The following MOB3B variants were observed in gnomAD, a reference collection of about 807,000 sequenced individuals.
MOB3B encodes the protein MOB kinase activator-like 2B.
In MOB3B, 7 loss-of-function variants were observed where a neutral mutation model predicts 18.7. The ratio of observed to expected loss-of-function variants is 0.37; its 90% CI spans 0.21 to 0.70. MOB3B has a LOEUF of 0.70. Among genes scored for constraint, MOB3B ranks in the 30% least tolerant of loss-of-function variants. MOB3B has a pLI of 0.52. For missense variants in MOB3B, 253 were observed against 281.3 expected (o/e 0.90, Z 0.72); for synonymous variants, 111 against 99.9 (o/e 1.11, Z -0.66).
intron 1 of MOB3B, among the ~76,000 whole-genome samples, chr9:27,465,940 G>T (rs1030783338): frequency 6.6e-6 from 1 of 152,222 alleles, no homozygotes; most frequent in African/African-American, 2.4e-5. Flanking sequence ...CTCTGGGCCT[G>T]TGATGGGTGG....
chr9:27,426,040 C>A (rs1479981828), intron 2 of MOB3B, among the ~76,000 whole-genome samples: 1 of 152,162 alleles, frequency 6.6e-6, no homozygotes, highest in Non-Finnish European at 1.5e-5. Context: ...TGAATATTTA[C>A]ACAGTGCTTA....
intron 1 of MOB3B, among the ~76,000 whole-genome samples, chr9:27,474,889 C>T (rs1886592): frequency 0.95 from 145,287 of 152,292 alleles, 69,643 homozygotes; most frequent in East Asian, 1. Flanking sequence ...GTTATGGTGC[C>T]AGGCAGATTT....
rs1316216563 is a variant in MOB3B at position 27,327,769 on chromosome 9, A to T, written c.*2818T>A. On this transcript the variant is annotated 3_prime_UTR_variant, in exon 4 of 4. Coordinates refer to ENST00000262244, the MANE Select transcript of MOB3B (RefSeq NM_024761.5). The stretch of plus-strand genomic sequence containing the variant: ...ATTTTGAATATGGATCATATATTAG[A>T]TTTATGCAGTATCAGTGTTCAGTTT... 3 of 152,192 alleles carry T rather than the reference A, an allele frequency of 2.0e-5. No individual in the cohort carries two copies. The highest frequency in any genetic ancestry group is 7.2e-5 in the African/African-American group (3 of 41,442). The allele number at this position is 152,192 out of a possible 1,614,324, so 9.4% of individuals were successfully genotyped here.
At chr9:27,372,424 T>C (rs1587163275) in intron 2 of MOB3B, among the ~76,000 whole-genome samples, 1 of 152,198 alleles carries the variant, frequency 6.6e-6, no homozygotes, top group Non-Finnish European at 1.5e-5. Flanking sequence ...AAATACTCCC[T>C]GTTCAAGGAG....
At chr9:27,411,032 T>G (rs1391286836) in intron 2 of MOB3B, among the ~76,000 whole-genome samples, 1 of 152,220 alleles carries the variant, frequency 6.6e-6, no homozygotes, top group Non-Finnish European at 1.5e-5. Context: ...TAGCAGAAAC[T>G]TGGTTCTGCT....
chr9:27,336,075 A>T (rs1354270824), intron 3 of MOB3B, among the ~76,000 whole-genome samples: 2 of 152,210 alleles, frequency 1.3e-5, no homozygotes, highest in Non-Finnish European at 2.9e-5. Flanking sequence ...TGGGGAAGGC[A>T]CTTAGACTTA....
In MOB3B at chr9:27,330,235, G is replaced by A. The variant is rs1402113728; in HGVS notation, c.*352C>T. On this transcript the variant is annotated 3_prime_UTR_variant, in exon 4 of 4. Transcript: ENST00000262244. ...TGGAAAAATACGAACACGCATCTCAGTCTCAAAACCTGAATTCCAGTAAAG... is the reference window on the plus strand; with the variant it reads ...TGGAAAAATACGAACACGCATCTCAATCTCAAAACCTGAATTCCAGTAAAG... 4.9e-6 allele frequency: 1 copy of A among 202,434 alleles called. No homozygotes were observed. Among genetic ancestry groups the A allele is most frequent in the Non-Finnish European group, 9.9e-6 (1 of 101,032 alleles). 12.5% of individuals were successfully genotyped at this position (202,434 alleles called of 1,614,324 possible). A position where few individuals can be genotyped will look rare whatever the true frequency, so the allele number is the denominator to read the frequency against.
chr9:27,524,150 TAAAAAAA>T (rs3081119), intron 1 of MOB3B, among the ~76,000 whole-genome samples: 1 of 90,274 alleles, frequency 1.1e-5, no homozygotes, highest in South Asian at 4.6e-4. Flanking sequence ...TCACCCGAAG[TAAAAAAA>T]AAAAAAAAAA....
At chr9:27,524,286 A>C (rs1820391404) in intron 1 of MOB3B, 1 of 1,553,966 alleles carries the variant, frequency 6.4e-7, no homozygotes, top group Admixed American at 2.0e-5. Context: ...GGAAAACTCA[A>C]AACATCATTG....
chr9:27,528,009 G>A (rs575719466), intron 1 of MOB3B, among the ~76,000 whole-genome samples: 16 of 152,304 alleles, frequency 1.1e-4, no homozygotes, highest in Non-Finnish European at 1.6e-4. Context: ...AGCAGGAACT[G>A]TGCTCTAGCC....
At chr9:27,464,552 C>T (rs2131460288) in intron 1 of MOB3B, among the ~76,000 whole-genome samples, 1 of 152,302 alleles carries the variant, frequency 6.6e-6, no homozygotes. Context: ...ACATTTAACA[C>T]ATTACATTCC....
intron 2 of MOB3B, among the ~76,000 whole-genome samples, chr9:27,420,104 A>G (rs4879479): frequency 0.59 from 90,181 of 152,012 alleles, 27,246 homozygotes; most frequent in Admixed American, 0.7. Context: ...ACCACAATGC[A>G]ATACCACCTT....
In MOB3B at chr9:27,451,477, G is replaced by A. The variant is rs79320334; in HGVS notation, c.418+3656C>T. Among the ~76,000 whole-genome samples, 39 of 152,330 alleles carry A rather than the reference G, an allele frequency of 2.6e-4. No homozygotes were observed. The East Asian group carries it at 6.7e-3, about 26-fold the overall frequency. Reference sequence around the variant, plus strand: ...CTTCTGAAATAGCACGGGTCACCTAGTTAAGACTGAATCTAGGAACAGATG... The same window carrying A: ...CTTCTGAAATAGCACGGGTCACCTAATTAAGACTGAATCTAGGAACAGATG... On this transcript the variant is annotated intron_variant, in intron 2 of 3. Transcript: ENST00000262244.
intron 2 of MOB3B, among the ~76,000 whole-genome samples, chr9:27,399,906 C>A (rs765873273): frequency 6.6e-6 from 1 of 152,140 alleles, no homozygotes; most frequent in Non-Finnish European, 1.5e-5. Context: ...CCTTCAAACC[C>A]GGCTCGAAGT....
At chr9:27,395,448 ATTT>A (rs148114962) in intron 2 of MOB3B, among the ~76,000 whole-genome samples, 40 of 149,768 alleles carry the variant, frequency 2.7e-4, no homozygotes, top group African/African-American at 9.5e-4. Flanking sequence ...TAATAAATAG[ATTT>A]TTTAAAAAAA....
chr9:27,435,936 G>C (rs139411783), intron 2 of MOB3B, among the ~76,000 whole-genome samples: 1 of 152,126 alleles, frequency 6.6e-6, no homozygotes, highest in Non-Finnish European at 1.5e-5. Flanking sequence ...CCAAGGCCCT[G>C]CTCCCTCTGT....
At chr9:27,529,166 C>G (rs1016866057) in intron 1 of MOB3B, among the ~76,000 whole-genome samples, 14 of 152,198 alleles carry the variant, frequency 9.2e-5, no homozygotes, top group Admixed American at 9.2e-4. Flanking sequence ...TTCCCGCCAC[C>G]CACAGCCCAA....
intron 2 of MOB3B, among the ~76,000 whole-genome samples, chr9:27,361,094 C>A (rs544914701): frequency 6.6e-6 from 1 of 152,226 alleles, no homozygotes; most frequent in East Asian, 1.9e-4. Context: ...ATGGGGAGTC[C>A]TGTAACCCAC....
chr9:27,511,977 C>A (rs961060331), intron 1 of MOB3B, among the ~76,000 whole-genome samples: 3 of 149,120 alleles, frequency 2.0e-5, no homozygotes, highest in Non-Finnish European at 4.5e-5. Flanking sequence ...TAAGTTCCAG[C>A]CAATGGAATG....
Sources: gnomAD v4.1 joint callset for allele counts (sites outside exome capture counted in the v4.1 genomes callset) on GRCh38, gnomAD v4.1.1 for gene constraint, MANE v1.5 for transcripts, NCBI Gene and HGNC (gene_info 2026-07-23, HGNC 2026-07-21) for gene names.